ABCC12: variants seen among roughly 807,000 people sequenced by gnomAD.
The protein encoded by ABCC12 is ATP-binding cassette sub-family C member 12.
In ABCC12, 142 loss-of-function variants were observed where a neutral mutation model predicts 151.1. The observed-to-expected ratio is 0.94, with a 90% CI of 0.82 to 1.08. ABCC12 has a LOEUF of 1.08. ABCC12 is among the 50% of genes least tolerant of loss of function. The pLI is 0.00. For synonymous variants in ABCC12, 645 were observed against 646.4 expected (o/e 1.00, Z 0.03); for missense variants, 1,638 against 1,691.1 (o/e 0.97, Z 0.55).
chr16:48,138,115 G>A (rs1964672129), intron 8 of ABCC12, 113 bp downstream of exon 8: 2 of 1,209,324 alleles, frequency 1.7e-6, no homozygotes, highest in Admixed American at 2.3e-5. Flanking sequence ...GAGCAGCTCA[G>A]AGGGTCCCCT....
chr16:48,149,408 G>T (rs1242621255), intron 2 of ABCC12, among the ~76,000 whole-genome samples: 1 of 151,902 alleles, frequency 6.6e-6, no homozygotes, highest in Non-Finnish European at 1.5e-5. Context: ...AAAAAACAAA[G>T]ATTGTCAGAC....
intron 25 of ABCC12, among the ~76,000 whole-genome samples, chr16:48,090,401 CTTTTTTTTT>C (rs1011013161): frequency 8.4e-6 from 1 of 118,934 alleles, no homozygotes; most frequent in Admixed American, 8.6e-5. Flanking sequence ...CAAATTTGAA[CTTTTTTTTT>C]TTTTTTTTTT....
chr16:48,155,295 G>A (rs892052937), intron 1 of ABCC12, among the ~76,000 whole-genome samples: 5 of 151,364 alleles, frequency 3.3e-5, no homozygotes, highest in Admixed American at 1.3e-4. Flanking sequence ...GACACATTCC[G>A]ACACGATCAA....
intron 23 of ABCC12, among the ~76,000 whole-genome samples, chr16:48,098,510 C>T (rs1963189535): frequency 6.6e-6 from 1 of 152,180 alleles, no homozygotes; most frequent in Admixed American, 6.5e-5. Flanking sequence ...TCTGTTTCAA[C>T]TCTAACTTAT....
In ABCC12 at chr16:48,086,531, T is replaced by C. The variant is rs992999650; in HGVS notation, c.3714+210A>G. The C allele has an allele frequency of 1.8e-5, 10 of 542,944 alleles. No individual in the cohort carries two copies. The African/African-American group carries it at 1.9e-4, about 10-fold the overall frequency. 33.6% of individuals were successfully genotyped at this position (542,944 alleles called of 1,614,324 possible). On this transcript the variant is annotated intron_variant, in intron 28 of 30. Transcript: ENST00000311303. ...TAAGGACCAAGTGAGATGATACATG[T>C]AGTGCTCTTGACTGGATCATTGTAG...
intron 3 of ABCC12, 88 bp downstream of exon 3, chr16:48,146,218 A>G (rs1964995602): frequency 8.7e-7 from 1 of 1,148,392 alleles, no homozygotes; most frequent in Non-Finnish European, 1.3e-6. Flanking sequence ...AGAGCAGCAG[A>G]TGGGTTGCAG....
At position 48,082,729 on chromosome 16, in the gene ABCC12, T is replaced by C. The variant is rs1306509475; in HGVS notation, c.*986A>G. 6.6e-6 allele frequency among the ~76,000 whole-genome samples: 1 copy of C among 152,210 alleles called. No homozygotes were observed. Among genetic ancestry groups the C allele is most frequent in the East Asian group, 1.9e-4 (1 of 5,196 alleles). ...AGGCCCAGGGAACCTCATGGGGCCT[T>C]CATTCCTGATGAATGAAAAACAGCC... is the stretch of plus-strand genomic sequence containing the variant. On this transcript the variant is annotated 3_prime_UTR_variant, in exon 31 of 31. Coordinates refer to ENST00000311303, the MANE Select transcript of ABCC12 (RefSeq NM_001393797.1).
rs1964776191 is a variant in ABCC12 at position 48,140,741 on chromosome 16, C to T, written c.603G>A (p.Leu201=). The T allele has an allele frequency of 1.9e-6, 3 of 1,614,058 alleles. No homozygotes were observed. The highest frequency in any genetic ancestry group is 1.7e-5 in the Admixed American group (1 of 60,012). ...AIRLKVALST[L]VFENLVSFKT... ...TGAAGGACACTAGGTTTTCAAAAAC[C>T]AAGGTGGAGAGCGCCACCTTCAACC... Residue 201 remains leucine (L), a synonymous_variant, in exon 6 of 31, where the codon TTG becomes TTA. Transcript: ENST00000311303.
intron 3 of ABCC12, among the ~76,000 whole-genome samples, chr16:48,145,027 C>T (rs2150679713): frequency 6.6e-6 from 1 of 152,292 alleles, no homozygotes; most frequent in Non-Finnish European, 1.5e-5. Context: ...TGCTTGTTGA[C>T]TCCAGTGTCC....
In ABCC12 at chr16:48,145,626, C is replaced by G. The variant is rs199534048; in HGVS notation, c.119+680G>C. Among the ~76,000 whole-genome samples the G allele has an allele frequency of 2.6e-5, 4 of 152,326 alleles. No homozygotes were observed. The East Asian group carries it at 7.7e-4, about 29-fold the overall frequency. On this transcript the variant is annotated intron_variant, in intron 3 of 30. Coordinates refer to ENST00000311303, the MANE Select transcript of ABCC12 (RefSeq NM_001393797.1). ...AGTTGCAAACCTGAATCTCAAGAAG[C>G]CCTGCATGCTGTCACTCATTCCCTT...
chr16:48,154,911 A>G (rs1965163769), intron 1 of ABCC12, among the ~76,000 whole-genome samples: 1 of 152,234 alleles, frequency 6.6e-6, no homozygotes. Context: ...TAAAGCCACC[A>G]AAGTTATCAA....
intron 22 of ABCC12, among the ~76,000 whole-genome samples, chr16:48,102,965 G>T (rs1006597546): frequency 6.6e-6 from 1 of 152,122 alleles, no homozygotes; most frequent in Non-Finnish European, 1.5e-5. Flanking sequence ...TGCTGCCTAC[G>T]TCTGGTCCTC....
At chr16:48,089,484 G>T (rs1321565078) in intron 25 of ABCC12, among the ~76,000 whole-genome samples, 1 of 152,144 alleles carries the variant, frequency 6.6e-6, no homozygotes, top group Non-Finnish European at 1.5e-5. Flanking sequence ...GAAATGCAAG[G>T]TCTAATTAAG....
In ABCC12 at chr16:48,138,193, G is replaced by A. The variant is rs760307149; in HGVS notation, c.979+35C>T. On this transcript the variant is annotated intron_variant, in intron 8 of 30. Transcript: ENST00000311303. ...CCCTTAGAAGAGCATATTCTACAAG[G>A]TAAGTGGTTCTTTAAGCAGCTACTC... is the stretch of plus-strand genomic sequence containing the variant. The A allele has an allele frequency of 7.6e-6, 12 of 1,573,508 alleles. No homozygotes were observed. The South Asian group carries it at 1.4e-4, about 18-fold the overall frequency.
chr16:48,114,124 G>A (rs753623578), intron 15 of ABCC12, among the ~76,000 whole-genome samples: 2 of 152,212 alleles, frequency 1.3e-5, no homozygotes, highest in Admixed American at 6.5e-5. Flanking sequence ...GCCCACACCA[G>A]CCCAGCATGA....
At chr16:48,150,088 A>G (rs1360090394) in intron 2 of ABCC12, among the ~76,000 whole-genome samples, 1 of 152,190 alleles carries the variant, frequency 6.6e-6, no homozygotes, top group Non-Finnish European at 1.5e-5. Context: ...AATTATATAT[A>G]TGCCCTGGAG....
intron 9 of ABCC12, among the ~76,000 whole-genome samples, 154 bp from the exon 10 acceptor site, chr16:48,131,049 C>T (rs1344909046): frequency 6.6e-6 from 1 of 152,208 alleles, no homozygotes; most frequent in Non-Finnish European, 1.5e-5. Flanking sequence ...GGCTCAGAAA[C>T]CATCGGTTGG....
Position 48,091,164 on chromosome 16 carries a change from G to C in ABCC12, c.3241C>G (p.Gln1081Glu), listed in dbSNP as rs745731948. 1.9e-6 allele frequency: 3 copies of C among 1,614,154 alleles called. No homozygotes were observed. In the South Asian group the frequency reaches 3.3e-5, roughly 18 times the overall value. The part of the protein sequence containing the change: ...QVCVRTGTET[Q>E]AKFTSVELLR... ...AGCTCCACGGAGGTGAATTTGGCTT[G>C]CGTCTCTGTTCCCGTTCGCACACAC... The change falls in exon 25 of 31, where the codon CAA becomes GAA. Residue 1081 changes from glutamine (Q) to glutamate (E), a missense_variant. Gln to Glu is a conservative substitution (Grantham distance 29, BLOSUM62 2). Transcript: ENST00000311303.
intron 2 of ABCC12, among the ~76,000 whole-genome samples, chr16:48,150,117 C>A (rs939122693): frequency 1.3e-5 from 2 of 152,156 alleles, no homozygotes; most frequent in Admixed American, 1.3e-4. Flanking sequence ...CCTGTTCAAG[C>A]AGTCAGATAC....
Sources: allele counts gnomAD v4.1 joint callset (sites outside exome capture counted in the v4.1 genomes callset), GRCh38; gene constraint gnomAD v4.1.1; transcripts MANE v1.5; gene names NCBI Gene and HGNC (gene_info 2026-07-23, HGNC 2026-07-21).